ENTREP2: variants seen among roughly 807,000 people sequenced by gnomAD.
The protein encoded by ENTREP2 is protein ENTREP2.
chr15:29,401,582 C>T, the ENTREP2 span, among the ~76,000 whole-genome samples: 1 of 152,152 alleles, frequency 6.6e-6, no homozygotes, highest in Non-Finnish European at 1.5e-5. Flanking sequence ...TGTAGCCTTC[C>T]TTGGGAACAA....
the ENTREP2 span, among the ~76,000 whole-genome samples, chr15:29,295,998 C>A: frequency 6.6e-6 from 1 of 152,278 alleles, no homozygotes; most frequent in Admixed American, 6.5e-5. Context: ...TGGGCTCCAT[C>A]CAATCACGTG....
the ENTREP2 span, among the ~76,000 whole-genome samples, chr15:29,506,259 GAAA>G: frequency 6.6e-6 from 1 of 152,148 alleles, no homozygotes; most frequent in Non-Finnish European, 1.5e-5. Context: ...GGGACTATGT[GAAA>G]AGACCAAACC....
the ENTREP2 span, among the ~76,000 whole-genome samples, chr15:29,496,204 C>A: frequency 2.8e-4 from 43 of 151,782 alleles, no homozygotes; most frequent in East Asian, 7.7e-3. Flanking sequence ...TAATACTGTA[C>A]ACTAATGTGT....
chr15:29,204,431 G>T, the ENTREP2 span, among the ~76,000 whole-genome samples: 10 of 152,342 alleles, frequency 6.6e-5, no homozygotes, highest in African/African-American at 2.4e-4. Context: ...GAGCAGGGCA[G>T]AGGGCTGGGA....
At chr15:29,346,487 G>A in the ENTREP2 span, among the ~76,000 whole-genome samples, 1 of 135,588 alleles carries the variant, frequency 7.4e-6, no homozygotes, top group Non-Finnish European at 1.5e-5. Context: ...CAGGGGCTGT[G>A]GTCAGTGTAG....
chr15:29,141,408 T>C, the ENTREP2 span, among the ~76,000 whole-genome samples: 1 of 152,256 alleles, frequency 6.6e-6, no homozygotes, highest in African/African-American at 2.4e-5. Flanking sequence ...GCTTGGATCA[T>C]TAGTATGAGC....
At chr15:29,296,630 G>A in the ENTREP2 span, among the ~76,000 whole-genome samples, 4 of 152,204 alleles carry the variant, frequency 2.6e-5, no homozygotes, top group African/African-American at 9.6e-5. Flanking sequence ...ATACTATAAA[G>A]ATGTCAGTTC....
chr15:29,478,042 T>G, the ENTREP2 span, among the ~76,000 whole-genome samples: 1 of 132,588 alleles, frequency 7.5e-6, no homozygotes, highest in Non-Finnish European at 1.6e-5. Context: ...TTTTTTTTTC[T>G]GAGACGGAGT....
chr15:29,574,403 C>T, the ENTREP2 span, among the ~76,000 whole-genome samples: 8 of 152,324 alleles, frequency 5.3e-5, no homozygotes, highest in East Asian at 1.9e-4. Flanking sequence ...AAGCGATTCT[C>T]GTGCCTCAGC....
chr15:29,166,080 A>G, the ENTREP2 span, among the ~76,000 whole-genome samples: 1 of 152,234 alleles, frequency 6.6e-6, no homozygotes, highest in Non-Finnish European at 1.5e-5. Flanking sequence ...TCACATGATC[A>G]TCTCAACAGA....
At chr15:29,529,811 T>C in the ENTREP2 span, among the ~76,000 whole-genome samples, 1 of 152,138 alleles carries the variant, frequency 6.6e-6, no homozygotes, top group East Asian at 1.9e-4. Context: ...ACTTACAAAC[T>C]ACCTCATTTT....
chr15:29,127,839 G>A, the ENTREP2 span, among the ~76,000 whole-genome samples: 3 of 152,332 alleles, frequency 2.0e-5, no homozygotes, highest in Admixed American at 1.3e-4. Context: ...TGCTGCAGGT[G>A]TGGCCGCCCT....
the ENTREP2 span, among the ~76,000 whole-genome samples, chr15:29,399,575 A>C: frequency 6.6e-6 from 1 of 152,216 alleles, no homozygotes; most frequent in Admixed American, 6.5e-5. Context: ...GAAAATTATA[A>C]TACTATATAT....
chr15:29,124,615 C>T, the ENTREP2 span: 1 of 1,322,074 alleles, frequency 7.6e-7, no homozygotes, highest in Non-Finnish European at 1.1e-6. Context: ...ACAATGTAGC[C>T]AAGGACCCAC....
the ENTREP2 span, among the ~76,000 whole-genome samples, chr15:29,665,849 C>T: frequency 6.8e-6 from 1 of 147,076 alleles, no homozygotes; most frequent in African/African-American, 2.5e-5. Flanking sequence ...TTGTTTACAT[C>T]ATCTTTTTTT....
the ENTREP2 span, among the ~76,000 whole-genome samples, chr15:29,621,560 C>A: frequency 1.0e-5 from 1 of 97,698 alleles, no homozygotes; most frequent in African/African-American, 4.0e-5. Flanking sequence ...AGTAAGGGGG[C>A]AGCTCGCACC....
the ENTREP2 span, among the ~76,000 whole-genome samples, chr15:29,249,644 G>T: frequency 1.3e-5 from 2 of 151,964 alleles, no homozygotes; most frequent in Non-Finnish European, 2.9e-5. Context: ...TTTATGTGTT[G>T]TATAGGTTTT....
the ENTREP2 span, among the ~76,000 whole-genome samples, chr15:29,226,011 C>T: frequency 6.6e-6 from 1 of 152,222 alleles, no homozygotes; most frequent in East Asian, 1.9e-4. Context: ...ACCACAGCCC[C>T]CCACGTCTTT....
At chr15:29,224,376 T>C in the ENTREP2 span, among the ~76,000 whole-genome samples, 1 of 152,112 alleles carries the variant, frequency 6.6e-6, no homozygotes, top group Non-Finnish European at 1.5e-5. Flanking sequence ...GCTTCCACAC[T>C]TGTGGAAGGG....
Sources: allele counts gnomAD v4.1 joint callset (sites outside exome capture counted in the v4.1 genomes callset), GRCh38; gene constraint gnomAD v4.1.1; transcripts MANE v1.5; gene names NCBI Gene and HGNC (gene_info 2026-07-23, HGNC 2026-07-21).